The following TCTN3 variants were observed in gnomAD, a reference collection of about 807,000 sequenced individuals.
TCTN3 encodes the protein tectonic family member 3, also known as tectonic-3.
TCTN3 carries 57 observed loss-of-function variants against 71.3 expected under a neutral mutation model. That is an observed-to-expected ratio of 0.80 (90% CI 0.65 to 1.00). TCTN3 has a LOEUF of 1.00. TCTN3 is among the 50% of genes least tolerant of loss of function. TCTN3 has a pLI of 0.00. For synonymous variants in TCTN3, 258 were observed against 267.8 expected (o/e 0.96, Z 0.36); for missense variants, 696 against 719.9 (o/e 0.97, Z 0.38).
chr10:95,687,274 C>A lies in TCTN3; in HGVS notation c.709G>T (p.Gly237Ter). 3.7e-6 allele frequency: 6 copies of A among 1,614,048 alleles called. No individual in the cohort carries two copies. Among genetic ancestry groups the A allele is most frequent in the Non-Finnish European group, 4.2e-6 (5 of 1,179,984 alleles). ...GCAGGATTGCTTTCAGCACAGAGTC[C>A]CCCAGCTCCAACTCCTGCAGGTTGT... ...LRQPAGVGAG[G>*]LCAESNPAGF... The change falls in exon 5 of 14, where the codon GGA becomes TGA. Residue 237 changes from glycine to a stop codon, truncating the protein, a stop_gained. Transcript: ENST00000371217. LOFTEE classifies it high-confidence loss of function.
intron 2 of TCTN3, 94 bp downstream of exon 2, chr10:95,693,259 T>C: frequency 1.3e-6 from 2 of 1,510,774 alleles, no homozygotes; most frequent in Non-Finnish European, 1.8e-6. Context: ...GAAGTACGGG[T>C]GGGAGGCACA....
intron 3 of TCTN3, among the ~76,000 whole-genome samples, chr10:95,692,597 T>A (rs1191243236): frequency 2.0e-5 from 3 of 149,556 alleles, no homozygotes; most frequent in Admixed American, 1.3e-4. Flanking sequence ...AAAAAAAGTT[T>A]AAAAAAAAGA....
At chr10:95,681,107 G>A (rs556714207) in intron 12 of TCTN3, among the ~76,000 whole-genome samples, 5 of 148,750 alleles carry the variant, frequency 3.4e-5, no homozygotes, top group South Asian at 4.3e-4. Context: ...ATGGAGTCTC[G>A]CTCTGTTGCC....
Position 95,693,227 on chromosome 10 carries a change from C to T in TCTN3, c.380+126G>A, listed in dbSNP as rs537805737. On this transcript the variant is annotated intron_variant, in intron 2 of 13. Coordinates refer to ENST00000371217, the MANE Select transcript of TCTN3 (RefSeq NM_015631.6). The stretch of plus-strand genomic sequence containing the variant: ...CAGAAAAGGCAATTCCTAGGAAAAA[C>T]CAAGGGAATGTCCTAGGAGTGGAAG... 265 of 1,443,406 alleles carry T rather than the reference C, an allele frequency of 1.8e-4. No individual in the cohort carries two copies. In the African/African-American group the frequency reaches 3.4e-3, roughly 19 times the overall value. 89.4% of individuals were successfully genotyped at this position (1,443,406 alleles called of 1,614,324 possible).
chr10:95,682,367 G>A (rs1399081866), intron 12 of TCTN3, among the ~76,000 whole-genome samples: 1 of 152,036 alleles, frequency 6.6e-6, no homozygotes, highest in East Asian at 1.9e-4. Flanking sequence ...GCGGGTGCCT[G>A]CAGTCCCAGC....
intron 3 of TCTN3, among the ~76,000 whole-genome samples, chr10:95,689,652 T>C (rs960501198): frequency 4.6e-5 from 7 of 152,188 alleles, no homozygotes; most frequent in Non-Finnish European, 1.0e-4. Context: ...TGCAAAGATA[T>C]TGGCGGTAGT....
At chr10:95,686,434 G>C in intron 7 of TCTN3, 61 bp downstream of exon 7, 1 of 1,528,280 alleles carries the variant, frequency 6.5e-7, no homozygotes. Context: ...GACTAAAATT[G>C]CCTCAGATGC....
chr10:95,665,085 G>A (rs925164556), intron 13 of TCTN3, among the ~76,000 whole-genome samples: 6 of 152,108 alleles, frequency 3.9e-5, no homozygotes, highest in African/African-American at 1.4e-4. Context: ...GTTTTGCCTG[G>A]AATAACTCTC....
At chr10:95,667,529 C>A (rs1173613474) in intron 13 of TCTN3, among the ~76,000 whole-genome samples, 1 of 152,162 alleles carries the variant, frequency 6.6e-6, no homozygotes, top group Non-Finnish European at 1.5e-5. Context: ...AAAATCATTA[C>A]TGAATGATAT....
intron 8 of TCTN3, 142 bp from the exon 9 acceptor site, chr10:95,684,766 A>C: frequency 2.4e-6 from 2 of 850,856 alleles, no homozygotes; most frequent in Non-Finnish European, 3.5e-6. Flanking sequence ...CCAAACACAA[A>C]TACTATGAAA....
rs1430071271 is a variant in TCTN3, at chr10:95,693,885, C to T, written c.15G>A (p.Gln5=). 1.9e-6 allele frequency: 3 copies of T among 1,551,690 alleles called. No homozygotes were observed. The highest frequency in any genetic ancestry group is 1.2e-5 in the South Asian group (1 of 84,062). The change falls in exon 1 of 14, where the codon CAG becomes CAA. Residue 5 remains glutamine (Q), a synonymous_variant. Coordinates refer to ENST00000371217, the MANE Select transcript of TCTN3 (RefSeq NM_015631.6). ...GAAAGAACACTTGCAGGAGCGCGAGCTGTGGGGTGCGCATGGGGCATTCAG... is the reference window on the plus strand; with the variant it reads ...GAAAGAACACTTGCAGGAGCGCGAGTTGTGGGGTGCGCATGGGGCATTCAG... The part of the protein sequence containing the change: MRTP[Q]LALLQVFFLV...
In TCTN3 at chr10:95,663,926, A is replaced by C; in HGVS notation, c.*141T>G. 1 of 681,148 alleles carries C rather than the reference A, an allele frequency of 1.5e-6. No homozygotes were observed. The highest frequency in any genetic ancestry group is 2.6e-6 in the Non-Finnish European group (1 of 389,438). The allele number at this position is 681,148 out of a possible 1,614,324, so 42.2% of individuals were successfully genotyped here. On this transcript the variant is annotated 3_prime_UTR_variant, in exon 14 of 14. Transcript: ENST00000371217. ...GCTTTTCTAAAATAACTCCTTTCAT[A>C]TACAAGGATTCCTTCAGTTAGGTCC...
chr10:95,693,318 C>T (rs2097955433), intron 2 of TCTN3, 35 bp downstream of exon 2: 2 of 1,551,152 alleles, frequency 1.3e-6, no homozygotes, highest in African/African-American at 2.7e-5. Flanking sequence ...AGGCCCCAAA[C>T]CCCTTTAGGA....
rs1194333294 is a variant in TCTN3, at chr10:95,680,600, A to C, written c.1462T>G (p.Cys488Gly). The change falls in exon 13 of 14, where the codon TGT (cysteine) becomes GGT (glycine). Residue 488 changes from cysteine to glycine, a missense_variant. By Grantham distance (159) the Cys-to-Gly change is radical. Transcript: ENST00000371217. The stretch of plus-strand genomic sequence containing the variant: ...ACTGGTATGAGACAGCAGGAAGTAC[A>C]GTTTATAGCCTGCAGAAGGGTAAAG... Reference protein sequence around the residue: ...NRHCSISAINCTSCCLIPVSL... With the variant: ...NRHCSISAINGTSCCLIPVSL... The C allele has an allele frequency of 6.2e-7, 1 of 1,613,788 alleles. No individual in the cohort carries two copies. Among genetic ancestry groups the C allele is most frequent in the Non-Finnish European group, 8.5e-7 (1 of 1,179,924 alleles).
chr10:95,683,706 C>G, intron 9 of TCTN3, 77 bp from the exon 10 acceptor site: 1 of 1,299,894 alleles, frequency 7.7e-7, no homozygotes, highest in Non-Finnish European at 1.1e-6. Flanking sequence ...CTTCACCGTA[C>G]CCTTCCTTAA....
chr10:95,679,029 A>G (rs2097940198), intron 13 of TCTN3, among the ~76,000 whole-genome samples: 1 of 152,230 alleles, frequency 6.6e-6, no homozygotes, highest in East Asian at 1.9e-4. Context: ...AATAATTGGA[A>G]CAGATAATGT....
chr10:95,686,976 C>T (rs769333605), intron 6 of TCTN3, 68 bp downstream of exon 6: 39 of 1,378,408 alleles, frequency 2.8e-5, no homozygotes, highest in Non-Finnish European at 3.8e-5. Flanking sequence ...CCACAACCCA[C>T]AACAGTGAGA....
intron 11 of TCTN3, 77 bp downstream of exon 11, chr10:95,683,024 A>G: frequency 1.4e-6 from 2 of 1,427,786 alleles, no homozygotes; most frequent in South Asian, 1.2e-5. Flanking sequence ...GTCATTAAAA[A>G]TATAAAAGTT....
At position 95,685,587 on chromosome 10, in the gene TCTN3, G is replaced by C; in HGVS notation, c.938C>G (p.Ala313Gly). 1 of 1,551,472 alleles carries C rather than the reference G, an allele frequency of 6.4e-7. No homozygotes were observed. The highest frequency in any genetic ancestry group is 8.7e-7 in the Non-Finnish European group (1 of 1,146,846). Residue 313 changes from alanine to glycine, a missense_variant, in exon 8 of 14, where the codon GCT becomes GGT. Coordinates refer to ENST00000371217, the MANE Select transcript of TCTN3 (RefSeq NM_015631.6). ...AACTACATTCTGACAAGTGTTTCCA[G>C]CCAACAGAGGAGCATTAGCCTGTGA... is the stretch of plus-strand genomic sequence containing the variant. The part of the protein sequence containing the change: ...LTSQANAPLL[A>G]GNTCQNVVSQ...
Sources: gnomAD v4.1 joint callset for allele counts (sites outside exome capture counted in the v4.1 genomes callset) on GRCh38, gnomAD v4.1.1 for gene constraint, MANE v1.5 for transcripts, NCBI Gene and HGNC (gene_info 2026-07-23, HGNC 2026-07-21) for gene names.